Variants in TBCA observed in about 807,000 individuals in gnomAD.
The protein encoded by TBCA is tubulin-specific chaperone A.
In TBCA, 6 loss-of-function variants were observed where a neutral mutation model predicts 15.8. The observed-to-expected ratio is 0.38, with a 90% CI of 0.21 to 0.75. The LOEUF is 0.75. Among genes scored for constraint, TBCA ranks in the 30% least tolerant of loss-of-function variants. The pLI, the probability that TBCA is intolerant of heterozygous loss-of-function variation, is 0.46. For missense variants in TBCA, 90 were observed against 131.2 expected (o/e 0.69, Z 1.53); for synonymous variants, 32 against 42.3 (o/e 0.76, Z 0.94).
At chr5:77,727,363 G>C (rs546477743) in intron 1 of TBCA, among the ~76,000 whole-genome samples, 44 of 151,734 alleles carry the variant, frequency 2.9e-4, no homozygotes, top group African/African-American at 1.0e-3. Flanking sequence ...CTTGCTTCTT[G>C]AAACAACATT....
At chr5:77,717,269 A>T (rs1746418131) in intron 1 of TBCA, among the ~76,000 whole-genome samples, 1 of 152,260 alleles carries the variant, frequency 6.6e-6, no homozygotes, top group South Asian at 2.1e-4. Flanking sequence ...AAGCTAAAAC[A>T]TCTAAAATGA....
At chr5:77,750,766 G>A (rs997835902) in intron 1 of TBCA, among the ~76,000 whole-genome samples, 2 of 152,132 alleles carry the variant, frequency 1.3e-5, no homozygotes, top group Admixed American at 1.3e-4. Flanking sequence ...AGGAGGTCCT[G>A]AGGCCAGGTG....
intron 1 of TBCA, among the ~76,000 whole-genome samples, chr5:77,750,187 CAT>C (rs1470225999): frequency 6.6e-6 from 1 of 150,920 alleles, no homozygotes; most frequent in Non-Finnish European, 1.5e-5. Context: ...AGCACAAATA[CAT>C]ATACACACAC....
At chr5:77,731,762 C>G (rs1746775306) in intron 1 of TBCA, among the ~76,000 whole-genome samples, 1 of 152,008 alleles carries the variant, frequency 6.6e-6, no homozygotes, top group South Asian at 2.1e-4. Flanking sequence ...TATATAATCG[C>G]CTATCAATCT....
At chr5:77,717,068 A>G (rs1195798286) in intron 1 of TBCA, among the ~76,000 whole-genome samples, 1 of 152,212 alleles carries the variant, frequency 6.6e-6, no homozygotes, top group Non-Finnish European at 1.5e-5. Flanking sequence ...TGTGTCAGAC[A>G]CCTTGGGATC....
chr5:77,771,107 C>G (rs1013956351), intron 1 of TBCA, among the ~76,000 whole-genome samples: 1 of 151,902 alleles, frequency 6.6e-6, no homozygotes, highest in African/African-American at 2.4e-5. Flanking sequence ...GGTGACACAG[C>G]GAGACTCTGA....
intron 2 of TBCA, among the ~76,000 whole-genome samples, chr5:77,696,566 T>A (rs1745875164): frequency 6.6e-6 from 1 of 152,158 alleles, no homozygotes; most frequent in Non-Finnish European, 1.5e-5. Context: ...GAAACTCATT[T>A]CAAACATAAT....
In TBCA at chr5:77,733,062, G is replaced by A. The variant is rs140593617; in HGVS notation, c.54-24715C>T. ...TTTGGGAGGCTGAGGCGGGTGGATT[G>A]CTGAGGTCAGGAGTTTGAGACCAGC... On this transcript the variant is annotated intron_variant, in intron 1 of 3. Coordinates refer to ENST00000380377, the MANE Select transcript of TBCA (RefSeq NM_004607.3). Among the ~76,000 whole-genome samples, 28 of 152,278 alleles carry A rather than the reference G, an allele frequency of 1.8e-4. No homozygotes were observed. The East Asian group carries it at 3.9e-3, about 21-fold the overall frequency.
At chr5:77,697,486 T>C (rs780832126) in intron 2 of TBCA, among the ~76,000 whole-genome samples, 1 of 151,014 alleles carries the variant, frequency 6.6e-6, no homozygotes, top group African/African-American at 2.4e-5. Context: ...AGAAGGAAAA[T>C]CCCTACTTAG....
At chr5:77,724,485 A>T (rs1398989777) in intron 1 of TBCA, among the ~76,000 whole-genome samples, 1 of 152,152 alleles carries the variant, frequency 6.6e-6, no homozygotes, top group Non-Finnish European at 1.5e-5. Context: ...AGCCATACTT[A>T]AAAAACAACA....
intron 1 of TBCA, 136 bp downstream of exon 1, chr5:77,776,069 C>G: frequency 9.2e-7 from 1 of 1,090,246 alleles, no homozygotes; most frequent in Admixed American, 2.4e-5. Flanking sequence ...CCAGTCCCAG[C>G]CAACTGCGGA....
At chr5:77,756,861 C>T (rs1293569362) in intron 1 of TBCA, among the ~76,000 whole-genome samples, 1 of 152,102 alleles carries the variant, frequency 6.6e-6, no homozygotes, top group Non-Finnish European at 1.5e-5. Flanking sequence ...AACAGAACAC[C>T]CCAAAAACAG....
At position 77,756,581 on chromosome 5, in the gene TBCA, G is replaced by C. The variant is rs79832024; in HGVS notation, c.53+19624C>G. Among the ~76,000 whole-genome samples the C allele has an allele frequency of 9.0e-3, 1,352 of 149,554 alleles. 26 individuals are homozygous for C. The highest frequency in any genetic ancestry group is 0.032 in the African/African-American group (1,285 of 40,660). ...AATGAAGACTTTAGAATCTTCTAAA[G>C]AATCTTGCCCGCTAGAATTAGCATC... On this transcript the variant is annotated intron_variant, in intron 1 of 3. Transcript: ENST00000380377.
intron 1 of TBCA, among the ~76,000 whole-genome samples, chr5:77,716,051 A>G (rs2112449404): frequency 6.6e-6 from 1 of 152,322 alleles, no homozygotes; most frequent in African/African-American, 2.4e-5. Flanking sequence ...TAGGTACTGT[A>G]TTGCATTTAA....
At chr5:77,732,457 A>T (rs1245018127) in intron 1 of TBCA, among the ~76,000 whole-genome samples, 4 of 149,864 alleles carry the variant, frequency 2.7e-5, no homozygotes, top group African/African-American at 7.4e-5. Context: ...AGGCTGAGGC[A>T]GGAGAAAGGC....
chr5:77,691,457 T>C lies in TBCA; in HGVS notation c.288A>G (p.Glu96=). The C allele has an allele frequency of 1.3e-6, 2 of 1,598,090 alleles. No individual in the cohort carries two copies. The highest frequency in any genetic ancestry group is 1.7e-6 in the Non-Finnish European group (2 of 1,176,240). ...KDLEEAEEYK[E]ARLVLDSVKL... ...TCACTGAATCCAGTACTAAACGTGC[T>C]TCTTTATATTCCTCAGCTTCTTCCA... is the stretch of plus-strand genomic sequence containing the variant. Residue 96 remains glutamate (E), a synonymous_variant, in exon 4 of 4, where the codon GAA becomes GAG. Transcript: ENST00000380377.
At chr5:77,734,717 C>G (rs768126388) in intron 1 of TBCA, among the ~76,000 whole-genome samples, 9 of 152,142 alleles carry the variant, frequency 5.9e-5, no homozygotes, top group Non-Finnish European at 1.0e-4. Flanking sequence ...GAGAGGATTC[C>G]AATTTTAAAA....
chr5:77,705,519 G>T, intron 2 of TBCA: 1 of 398,370 alleles, frequency 2.5e-6, no homozygotes, highest in Non-Finnish European at 4.4e-6. Flanking sequence ...CCTTATGAAG[G>T]GTCGTTAGTT....
At chr5:77,765,881 CAAAAAAAAA>C (rs70997944) in intron 1 of TBCA, among the ~76,000 whole-genome samples, 17 of 130,404 alleles carry the variant, frequency 1.3e-4, no homozygotes, top group Non-Finnish European at 1.9e-4. Flanking sequence ...AAACTAGGGC[CAAAAAAAAA>C]AAAAAAAAAA....
Sources: gnomAD v4.1 joint callset for allele counts (sites outside exome capture counted in the v4.1 genomes callset) on GRCh38, gnomAD v4.1.1 for gene constraint, MANE v1.5 for transcripts, NCBI Gene and HGNC (gene_info 2026-07-23, HGNC 2026-07-21) for gene names.